ZC3H12B: variants seen among roughly 807,000 people sequenced by gnomAD.
The protein encoded by ZC3H12B is zinc finger CCCH-type containing 12B.
ZC3H12B carries 7 observed loss-of-function variants against 43.9 expected under a neutral mutation model. The ratio of observed to expected loss-of-function variants is 0.16; its 90% CI spans 0.09 to 0.30. The LOEUF (loss-of-function observed/expected upper bound fraction) is 0.30. Ranked by LOEUF, ZC3H12B falls within the 10% of genes least tolerant of loss-of-function variation. The probability of loss-of-function intolerance (pLI) is 1.00; values close to 1 mark genes in which losing one functional copy is unlikely to be tolerated. For synonymous variants in ZC3H12B, 222 were observed against 241.7 expected (o/e 0.92, Z 0.76); for missense variants, 475 against 670.2 (o/e 0.71, Z 3.22).
chrX:65,423,158 C>G (rs775615404), intron 3 of ZC3H12B, among the ~76,000 whole-genome samples: 1 of 110,210 alleles, frequency 9.1e-6, no homozygotes, highest in Non-Finnish European at 1.9e-5. Flanking sequence ...GTCTTGATCT[C>G]CTGACCTTGT....
chrX:65,169,012 GT>G, the ZC3H12B span, among the ~76,000 whole-genome samples: 1 of 111,242 alleles, frequency 9.0e-6, no homozygotes, highest in Non-Finnish European at 1.9e-5. Context: ...TTTTTAAAGG[GT>G]TTTTTGTGTC....
At chrX:65,043,284 C>T in the ZC3H12B span, among the ~76,000 whole-genome samples, 2 of 110,297 alleles carry the variant, frequency 1.8e-5, no homozygotes, top group African/African-American at 6.6e-5. Flanking sequence ...TATGAAGACA[C>T]ATGTATGTTT....
chrX:65,256,778 A>G, the ZC3H12B span, among the ~76,000 whole-genome samples: 1 of 112,237 alleles, frequency 8.9e-6, no homozygotes, highest in African/African-American at 3.2e-5. Context: ...TTAGTAAGAT[A>G]GACTGCCAGC....
At chrX:65,117,965 C>T in the ZC3H12B span, among the ~76,000 whole-genome samples, 10 of 111,257 alleles carry the variant, frequency 9.0e-5, no homozygotes, top group African/African-American at 3.3e-4. Flanking sequence ...GTTACTGTAG[C>T]CTTGTAGTAT....
the ZC3H12B span, among the ~76,000 whole-genome samples, chrX:65,089,494 G>A: frequency 1.8e-5 from 2 of 111,763 alleles, no homozygotes; most frequent in African/African-American, 6.5e-5. Flanking sequence ...ACGAGTGAGT[G>A]GTGAATGAAT....
chrX:65,098,257 CACAA>C, the ZC3H12B span, among the ~76,000 whole-genome samples: 1 of 110,149 alleles, frequency 9.1e-6, no homozygotes, highest in Non-Finnish European at 1.9e-5. Context: ...CACACACACA[CACAA>C]CTGGAACAGA....
the ZC3H12B span, among the ~76,000 whole-genome samples, chrX:65,062,144 T>G: frequency 8.9e-6 from 1 of 111,994 alleles, no homozygotes; most frequent in South Asian, 3.7e-4. Context: ...GTTTCTTTGC[T>G]GAGCAGTTCT....
the ZC3H12B span, among the ~76,000 whole-genome samples, chrX:65,161,248 G>T: frequency 9.0e-6 from 1 of 111,311 alleles, no homozygotes; most frequent in East Asian, 2.8e-4. Context: ...GTTGATTTGG[G>T]GTGGAGAGTT....
At chrX:65,419,387 G>A (rs2066993822) in intron 3 of ZC3H12B, among the ~76,000 whole-genome samples, 1 of 112,235 alleles carries the variant, frequency 8.9e-6, no homozygotes, top group Non-Finnish European at 1.9e-5. Flanking sequence ...CTTGGAGAGT[G>A]ACAGTGGATT....
chrX:65,254,528 T>A, the ZC3H12B span, among the ~76,000 whole-genome samples: 47 of 111,425 alleles, frequency 4.2e-4, 1 homozygote, highest in South Asian at 1.1e-3. Flanking sequence ...ACGAAGGACA[T>A]CAAAGAAGAT....
At chrX:65,147,571 A>T in the ZC3H12B span, among the ~76,000 whole-genome samples, 2 of 111,501 alleles carry the variant, frequency 1.8e-5, no homozygotes, top group Non-Finnish European at 3.8e-5. Flanking sequence ...CCCTAGGTCC[A>T]CTGGGACAGG....
At chrX:65,090,568 G>T in the ZC3H12B span, among the ~76,000 whole-genome samples, 3 of 111,485 alleles carry the variant, frequency 2.7e-5, no homozygotes, top group African/African-American at 9.8e-5. Context: ...AACCTAGATG[G>T]TGACTTTACA....
the ZC3H12B span, among the ~76,000 whole-genome samples, chrX:65,195,174 T>C: frequency 9.0e-6 from 1 of 110,831 alleles, no homozygotes; most frequent in African/African-American, 3.3e-5. Context: ...TTATTATTGA[T>C]GAGTAAGGGT....
At chrX:65,152,315 T>C in the ZC3H12B span, among the ~76,000 whole-genome samples, 11 of 111,646 alleles carry the variant, frequency 9.9e-5, no homozygotes, top group South Asian at 1.9e-3. Flanking sequence ...GATGACATGA[T>C]TGTATATCTA....
At chrX:65,061,296 C>T in the ZC3H12B span, among the ~76,000 whole-genome samples, 1 of 111,140 alleles carries the variant, frequency 9.0e-6, no homozygotes, top group Non-Finnish European at 1.9e-5. Flanking sequence ...AGATATTTCT[C>T]CTAATGCTAT....
the ZC3H12B span, among the ~76,000 whole-genome samples, chrX:65,232,018 A>G: frequency 0.23 from 24,788 of 108,712 alleles, 7,059 homozygotes; most frequent in African/African-American, 0.79. Context: ...GGCAGAACAC[A>G]AGGTCAGGAG....
the ZC3H12B span, among the ~76,000 whole-genome samples, chrX:65,325,088 C>CATAA: frequency 9.0e-6 from 1 of 110,526 alleles, no homozygotes; most frequent in Non-Finnish European, 1.9e-5. Flanking sequence ...TTTATTTTAT[C>CATAA]TTATATAAAT....
chrX:65,331,244 T>C, the ZC3H12B span: 1 of 118,776 alleles, frequency 8.4e-6, no homozygotes, highest in Non-Finnish European at 1.8e-5. Context: ...TTATAAGTGA[T>C]TCACTACCTC....
At chrX:65,088,952 T>C in the ZC3H12B span, among the ~76,000 whole-genome samples, 2 of 111,787 alleles carry the variant, frequency 1.8e-5, no homozygotes, top group African/African-American at 6.5e-5. Context: ...ATCTACATCA[T>C]AGAGTTATTG....
Sources: allele counts gnomAD v4.1 joint callset (sites outside exome capture counted in the v4.1 genomes callset), GRCh38; gene constraint gnomAD v4.1.1; transcripts MANE v1.5; gene names NCBI Gene and HGNC (gene_info 2026-07-23, HGNC 2026-07-21).